The following ETFDH variants were observed in gnomAD, a reference collection of about 807,000 sequenced individuals.
The protein encoded by ETFDH is electron transfer flavoprotein dehydrogenase, also known as electron transfer flavoprotein-ubiquinone oxidoreductase, mitochondrial.
Under a neutral mutation model 73.2 loss-of-function variants are expected in ETFDH, and 61 were observed. The observed-to-expected ratio is 0.83, with a 90% CI of 0.68 to 1.03. The LOEUF is 1.03. ETFDH is among the 50% of genes least tolerant of loss of function. The pLI is 0.00. For synonymous variants in ETFDH, 243 were observed against 253.3 expected (o/e 0.96, Z 0.39); for missense variants, 685 against 745.0 (o/e 0.92, Z 0.94).
intron 3 of ETFDH, among the ~76,000 whole-genome samples, chr4:158,683,612 C>A (rs1369184356): frequency 6.6e-6 from 1 of 152,126 alleles, no homozygotes; most frequent in African/African-American, 2.4e-5. Flanking sequence ...CAGGGTCTCA[C>A]TCTGTCACCC....
intron 12 of ETFDH, 135 bp downstream of exon 12, chr4:158,706,985 G>T: frequency 1.7e-6 from 1 of 600,056 alleles, no homozygotes; most frequent in Non-Finnish European, 2.9e-6. Flanking sequence ...CTTCCTTTAG[G>T]AAACATACTT....
intron 5 of ETFDH, among the ~76,000 whole-genome samples, chr4:158,689,353 G>C (rs1774095237): frequency 6.6e-6 from 1 of 151,780 alleles, no homozygotes; most frequent in African/African-American, 2.4e-5. Context: ...ACTGGAATCG[G>C]TGTCAAAGTC....
chr4:158,681,238 T>C (rs1381979659), intron 2 of ETFDH, among the ~76,000 whole-genome samples: 1 of 152,120 alleles, frequency 6.6e-6, no homozygotes, highest in African/African-American at 2.4e-5. Flanking sequence ...GCCTAACTAA[T>C]GTGTGTGTTT....
rs1369981816 is a variant in ETFDH at position 158,682,354 on chromosome 4, A to T, written c.335A>T (p.His112Leu). The change falls in exon 3 of 13, where the codon CAT becomes CTT. Residue 112 changes from histidine (H) to leucine (L), a missense_variant. Physicochemically the swap from His to Leu is moderately conservative, Grantham distance 99. Around this residue, in one of 3 missense-constraint regions of ETFDH, gnomAD observed 405 missense variants for 399.3 expected, o/e 1.01. Coordinates refer to ENST00000511912, the MANE Select transcript of ETFDH (RefSeq NM_004453.4). ...GAGAAAGCTGCCCAGATAGGAGCTCATACTCTCTCAGGGGCTTGCCTTGAT... is the reference window on the plus strand; with the variant it reads ...GAGAAAGCTGCCCAGATAGGAGCTCTTACTCTCTCAGGGGCTTGCCTTGAT... ...LVEKAAQIGA[H>L]TLSGACLDPG... is the part of the protein sequence containing the mutation. 1 of 1,614,148 alleles carries T rather than the reference A, an allele frequency of 6.2e-7. No homozygotes were observed. Among genetic ancestry groups the T allele is most frequent in the South Asian group, 1.1e-5 (1 of 91,084 alleles).
chr4:158,688,831 A>C (rs1774082470), intron 5 of ETFDH, among the ~76,000 whole-genome samples: 1 of 152,242 alleles, frequency 6.6e-6, no homozygotes, highest in Non-Finnish European at 1.5e-5. Flanking sequence ...TTACAGATAC[A>C]ATCTATTCAT....
At chr4:158,689,177 T>C (rs1455371360) in intron 5 of ETFDH, among the ~76,000 whole-genome samples, 1 of 152,260 alleles carries the variant, frequency 6.6e-6, no homozygotes, top group Admixed American at 6.5e-5. Context: ...AAATTCAGTT[T>C]TTTTTATTTG....
At chr4:158,706,426 C>A in intron 11 of ETFDH, 55 bp downstream of exon 11, 1 of 1,370,712 alleles carries the variant, frequency 7.3e-7, no homozygotes, top group Non-Finnish European at 1.0e-6. Context: ...TGAATGGGAT[C>A]TGTTAATTAG....
At chr4:158,694,796 T>C (rs1774267355) in intron 6 of ETFDH, among the ~76,000 whole-genome samples, 2 of 152,206 alleles carry the variant, frequency 1.3e-5, no homozygotes, top group African/African-American at 4.8e-5. Flanking sequence ...AAAATAGATG[T>C]ACCCTTTGAT....
At position 158,697,702 on chromosome 4, in the gene ETFDH, A is replaced by C; in HGVS notation, c.972+3A>C. 1 of 1,613,068 alleles carries C rather than the reference A, an allele frequency of 6.2e-7. No homozygotes were observed. The highest frequency in any genetic ancestry group is 8.5e-7 in the Non-Finnish European group (1 of 1,178,982). On this transcript the variant is annotated splice_donor_region_variant and intron_variant, in intron 8 of 12. Transcript: ENST00000511912. ...CCCTAGTAGCTCTTGGTCTTGTGGT[A>C]AGTTATATTCCCATTAGGGAAAATT...
intron 1 of ETFDH, among the ~76,000 whole-genome samples, chr4:158,674,987 C>T (rs374650891): frequency 6.6e-6 from 1 of 151,930 alleles, no homozygotes; most frequent in Admixed American, 6.6e-5. Flanking sequence ...AAAAAAATTA[C>T]CTGTTTTCTT....
chr4:158,702,777 A>G (rs972964192), intron 9 of ETFDH, among the ~76,000 whole-genome samples: 4 of 152,212 alleles, frequency 2.6e-5, no homozygotes, highest in African/African-American at 9.6e-5. Flanking sequence ...TGCAATAAAT[A>G]TGAGAGTGCA....
intron 8 of ETFDH, 34 bp from the exon 9 acceptor site, chr4:158,698,949 TAAAA>T (rs753785498): frequency 1.4e-6 from 2 of 1,388,074 alleles, no homozygotes; most frequent in Admixed American, 1.8e-5. Context: ...TAATTTGAAA[TAAAA>T]ATGTCTAATT....
chr4:158,692,907 A>ATT, intron 6 of ETFDH, among the ~76,000 whole-genome samples: 1 of 144,908 alleles, frequency 6.9e-6, no homozygotes, highest in South Asian at 2.2e-4. Flanking sequence ...ATATATATAT[A>ATT]TGGTTTTTAA....
At chr4:158,696,586 A>G (rs968253457) in intron 7 of ETFDH, among the ~76,000 whole-genome samples, 1 of 152,186 alleles carries the variant, frequency 6.6e-6, no homozygotes, top group African/African-American at 2.4e-5. Flanking sequence ...GTCTATATAA[A>G]ACTAGATTCA....
At chr4:158,700,825 G>C (rs1002960156) in intron 9 of ETFDH, 1 of 152,194 alleles carries the variant, frequency 6.6e-6, no homozygotes, top group African/African-American at 2.4e-5. Context: ...TCTTGATGTT[G>C]CTTTGCTCAG....
intron 1 of ETFDH, among the ~76,000 whole-genome samples, chr4:158,674,699 T>C (rs1773670502): frequency 6.6e-6 from 1 of 152,170 alleles, no homozygotes; most frequent in African/African-American, 2.4e-5. Flanking sequence ...TCACAGAAAA[T>C]TACTCTGAAA....
chr4:158,678,437 C>T lies in ETFDH; in HGVS notation c.35-2030C>T, dbSNP rs867478915. 1.2e-4 allele frequency among the ~76,000 whole-genome samples: 19 copies of T among 152,158 alleles called. 1 individual carries two copies. Among genetic ancestry groups the T allele is most frequent in the African/African-American group, 4.6e-4 (19 of 41,426 alleles). Reference sequence around the variant, plus strand: ...TACCACAGAGATAAAGAACCCTTTTCACCACATCATATCAGGGATACATGG... The same window carrying T: ...TACCACAGAGATAAAGAACCCTTTTTACCACATCATATCAGGGATACATGG... On this transcript the variant is annotated intron_variant, in intron 1 of 12. Transcript: ENST00000511912.
At chr4:158,694,804 G>A (rs1774267496) in intron 6 of ETFDH, among the ~76,000 whole-genome samples, 1 of 151,932 alleles carries the variant, frequency 6.6e-6, no homozygotes, top group African/African-American at 2.4e-5. Context: ...TGTACCCTTT[G>A]ATCTAAGAGG....
chr4:158,701,313 G>A (rs1774456463), intron 9 of ETFDH, among the ~76,000 whole-genome samples: 1 of 152,168 alleles, frequency 6.6e-6, no homozygotes, highest in African/African-American at 2.4e-5. Context: ...GAAAAGCATT[G>A]TCATCATCTA....
Sources: allele counts gnomAD v4.1 joint callset (sites outside exome capture counted in the v4.1 genomes callset), GRCh38; gene constraint gnomAD v4.1.1; regional missense constraint gnomAD v4.1.1; transcripts MANE v1.5; gene names NCBI Gene and HGNC (gene_info 2026-07-23, HGNC 2026-07-21).